The following CA13 variants were observed in gnomAD, a reference collection of about 807,000 sequenced individuals.
CA13 encodes CA-XIII.
Under a neutral mutation model 31.5 loss-of-function variants are expected in CA13, and 21 were observed. That is an observed-to-expected ratio of 0.67 (90% CI 0.47 to 0.96). CA13 has a LOEUF of 0.96. Ranked by LOEUF, CA13 falls within the 40% of genes least tolerant of loss-of-function variation. The pLI is 0.00. For synonymous variants in CA13, 117 were observed against 111.4 expected, an observed-to-expected ratio of 1.05 and a Z score of -0.32; for missense variants, 315 against 318.9, an observed-to-expected ratio of 0.99 and a Z score of 0.09.
chr8:85,272,809 T>C (rs376348364), intron 6 of CA13, among the ~76,000 whole-genome samples: 1 of 152,084 alleles, frequency 6.6e-6, no homozygotes, highest in African/African-American at 2.4e-5. Flanking sequence ...TACTATTACA[T>C]TGTTTCCTTT....
At chr8:85,251,384 A>G (rs559160753) in intron 2 of CA13, among the ~76,000 whole-genome samples, 38 of 152,330 alleles carry the variant, frequency 2.5e-4, no homozygotes, top group Middle Eastern at 3.4e-3. Flanking sequence ...GTGTGAATTA[A>G]GATATCTTGT....
At chr8:85,261,980 G>A (rs1807386275) in intron 3 of CA13, among the ~76,000 whole-genome samples, 1 of 37,766 alleles carries the variant, frequency 2.6e-5, no homozygotes, top group Non-Finnish European at 5.4e-5. Context: ...AGAGCAACTG[G>A]GACCACAGGT....
Position 85,267,964 on chromosome 8 carries a change from G to A in CA13, c.513G>A (p.Lys171=), listed in dbSNP as rs755872579. The change falls in exon 5 of 7, where the codon AAG becomes AAA. Residue 171 remains lysine, a splice_region_variant and synonymous_variant. Coordinates refer to ENST00000321764, the MANE Select transcript of CA13 (RefSeq NM_198584.3). ...ACACTTTGGATTCCATTAAAGAAAA[G>A]GTAAAATGAATTACTGTTAATAATT... ...ITDTLDSIKE[K]GKQTRFTNFD... 2.6e-6 allele frequency: 4 copies of A among 1,550,126 alleles called. No individual in the cohort carries two copies. In the Admixed American group the frequency reaches 6.8e-5, roughly 27 times the overall value.
intron 6 of CA13, among the ~76,000 whole-genome samples, chr8:85,276,261 CG>C (rs980555993): frequency 2.6e-5 from 4 of 152,272 alleles, no homozygotes; most frequent in South Asian, 4.1e-4. Flanking sequence ...TTCCTCCCCC[CG>C]GGGCAGGGCT....
chr8:85,268,655 G>C, intron 6 of CA13, 28 bp downstream of exon 6: 1 of 1,496,758 alleles, frequency 6.7e-7, no homozygotes, highest in Non-Finnish European at 9.1e-7. Flanking sequence ...GGTTGATACT[G>C]ATTCCCTCAG....
intron 6 of CA13, among the ~76,000 whole-genome samples, chr8:85,275,922 C>G (rs1025115002): frequency 6.6e-6 from 1 of 152,266 alleles, no homozygotes; most frequent in Non-Finnish European, 1.5e-5. Flanking sequence ...AGCCCTTGCT[C>G]GCTCTCAGCG....
intron 2 of CA13, among the ~76,000 whole-genome samples, chr8:85,254,128 A>G (rs1258060936): frequency 1.3e-5 from 2 of 151,988 alleles, no homozygotes; most frequent in African/African-American, 4.8e-5. Flanking sequence ...AAATACAAAA[A>G]TTAGCCAGGA....
chr8:85,257,583 A>C (rs1292514187), intron 2 of CA13, among the ~76,000 whole-genome samples: 1 of 151,472 alleles, frequency 6.6e-6, no homozygotes, highest in Non-Finnish European at 1.5e-5. Flanking sequence ...AACTAGCTGG[A>C]CGTAGCTGTG....
Position 85,280,678 on chromosome 8 carries a change from T to C in CA13, c.670-552T>C, listed in dbSNP as rs1425770228. 2.0e-5 allele frequency among the ~76,000 whole-genome samples: 3 copies of C among 152,224 alleles called. No individual in the cohort carries two copies. In the East Asian group the frequency reaches 5.8e-4, roughly 29 times the overall value. On this transcript the variant is annotated intron_variant, in intron 6 of 6. Coordinates refer to ENST00000321764, the MANE Select transcript of CA13 (RefSeq NM_198584.3). ...AGTTTTAATTTTTCCAACTTCACTT[T>C]AGACCTGTACTAAATCTTAATAAGT...
chr8:85,267,134 T>C (rs1807469700), intron 4 of CA13: 1 of 496,640 alleles, frequency 2.0e-6, no homozygotes, highest in South Asian at 8.1e-5. Flanking sequence ...AATCTAACGT[T>C]CACATGTGGT....
intron 6 of CA13, among the ~76,000 whole-genome samples, chr8:85,276,435 GC>G (rs1306863397): frequency 6.6e-6 from 1 of 152,272 alleles, no homozygotes; most frequent in African/African-American, 2.4e-5. Context: ...GGACTGGCAG[GC>G]AGCTCCACCT....
At chr8:85,266,167 T>C (rs1305017973) in intron 3 of CA13, among the ~76,000 whole-genome samples, 1 of 152,186 alleles carries the variant, frequency 6.6e-6, no homozygotes, top group East Asian at 1.9e-4. Context: ...GAAGGGGCTG[T>C]GAAGGATGTT....
intron 1 of CA13, among the ~76,000 whole-genome samples, chr8:85,249,617 G>A (rs1315974544): frequency 6.6e-6 from 1 of 152,040 alleles, no homozygotes; most frequent in East Asian, 1.9e-4. Flanking sequence ...GTTGTCGTTA[G>A]TAACAGGTTT....
intron 1 of CA13, among the ~76,000 whole-genome samples, chr8:85,248,816 A>C (rs993435574): frequency 1.3e-5 from 2 of 152,214 alleles, no homozygotes; most frequent in East Asian, 3.9e-4. Context: ...AAGCAACTCT[A>C]TTGATTGGAA....
chr8:85,268,755 G>C, intron 6 of CA13, 128 bp downstream of exon 6: 1 of 783,536 alleles, frequency 1.3e-6, no homozygotes, highest in South Asian at 2.0e-5. Context: ...TCATCAGACG[G>C]GTCGTTGGGC....
In CA13 at chr8:85,246,602, A is replaced by C. The variant is rs1010541451; in HGVS notation, c.37+737A>C. 6.4e-5 allele frequency: 28 copies of C among 437,802 alleles called. 1 individual carries two copies. In the Middle Eastern group the frequency reaches 3.5e-3, roughly 54 times the overall value. The allele number at this position is 437,802 out of a possible 1,614,324, so 27.1% of individuals were successfully genotyped here. The stretch of plus-strand genomic sequence containing the variant: ...GAAATGTATTAATAGGATAAATAAT[A>C]ATGACATACACTTTTCTTCTTGTAT... On this transcript the variant is annotated intron_variant, in intron 1 of 6. Transcript: ENST00000321764.
intron 4 of CA13, among the ~76,000 whole-genome samples, 186 bp downstream of exon 4, chr8:85,266,889 G>A (rs934307997): frequency 6.6e-6 from 1 of 152,060 alleles, no homozygotes; most frequent in African/African-American, 2.4e-5. Context: ...TCTTCTTATT[G>A]TCCATTGATC....
chr8:85,265,819 CTT>C (rs1378742334), intron 3 of CA13, among the ~76,000 whole-genome samples: 3 of 152,146 alleles, frequency 2.0e-5, no homozygotes. Flanking sequence ...TAAAAATGCT[CTT>C]AATAAAAAAG....
chr8:85,251,978 C>G (rs1382970136), intron 2 of CA13, among the ~76,000 whole-genome samples: 1 of 152,050 alleles, frequency 6.6e-6, no homozygotes, highest in East Asian at 1.9e-4. Context: ...TAAACTGCAG[C>G]CGGGTGTGGT....
Sources: allele counts gnomAD v4.1 joint callset (sites outside exome capture counted in the v4.1 genomes callset), GRCh38; gene constraint gnomAD v4.1.1; transcripts MANE v1.5; gene names NCBI Gene and HGNC (gene_info 2026-07-23, HGNC 2026-07-21).